The following NOVA1 variants were observed in gnomAD, a reference collection of about 807,000 sequenced individuals.
NOVA1 encodes the protein RNA-binding protein Nova-1.
In NOVA1, 7 loss-of-function variants were observed where a neutral mutation model predicts 38.0. The ratio of observed to expected loss-of-function variants is 0.18; its 90% CI spans 0.10 to 0.35. NOVA1 has a LOEUF of 0.35. NOVA1 is among the 10% of genes least tolerant of loss of function. The pLI is 1.00. For synonymous variants in NOVA1, 270 were observed against 232.5 expected, an observed-to-expected ratio of 1.16 and a Z score of -1.47; for missense variants, 460 against 616.0, an observed-to-expected ratio of 0.75 and a Z score of 2.68.
rs569040486 is a variant in NOVA1, at chr14:26,556,084, T to C, written c.280+39326A>G. Among the ~76,000 whole-genome samples, 203 of 152,258 alleles carry C rather than the reference T, an allele frequency of 1.3e-3. 1 individual carries two copies. The highest frequency in any genetic ancestry group is 4.7e-3 in the African/African-American group (194 of 41,566). On this transcript the variant is annotated intron_variant, in intron 2 of 4. Coordinates refer to ENST00000539517, the MANE Select transcript of NOVA1 (RefSeq NM_002515.3). The stretch of plus-strand genomic sequence containing the variant: ...TGTTAACATGTCAGATCTTCCCTAC[T>C]TGATCTATAGATGCAATGCAATACC...
At chr14:26,501,691 T>C (rs1254980183) in intron 2 of NOVA1, among the ~76,000 whole-genome samples, 2 of 151,938 alleles carry the variant, frequency 1.3e-5, no homozygotes, top group African/African-American at 2.4e-5. Context: ...GTTTTGAAAG[T>C]TCCGCTTTGG....
intron 2 of NOVA1, among the ~76,000 whole-genome samples, chr14:26,520,462 A>G (rs1012089394): frequency 1.3e-5 from 2 of 152,176 alleles, no homozygotes; most frequent in African/African-American, 4.8e-5. Flanking sequence ...CAATTTAGAC[A>G]GCACTTCAGC....
chr14:26,580,165 A>G (rs1419162881), intron 2 of NOVA1, among the ~76,000 whole-genome samples: 4 of 152,044 alleles, frequency 2.6e-5, no homozygotes, highest in African/African-American at 9.7e-5. Context: ...ATGCATTATG[A>G]CTTTCATTTT....
intron 2 of NOVA1, among the ~76,000 whole-genome samples, chr14:26,585,760 T>C (rs950831026): frequency 2.7e-5 from 4 of 149,794 alleles, no homozygotes; most frequent in African/African-American, 9.8e-5. Flanking sequence ...TAATATTGGA[T>C]TTCAGTTTCT....
At chr14:26,481,923 T>G (rs1046576313) in intron 2 of NOVA1, among the ~76,000 whole-genome samples, 4 of 150,730 alleles carry the variant, frequency 2.7e-5, no homozygotes, top group Non-Finnish European at 5.9e-5. Context: ...ATTACATTCT[T>G]GTTTTTGGAG....
rs1872816168 is a variant in NOVA1, at chr14:26,447,249, C to T, written c.*710G>A. ...TGCTTAAAAACAAATGTACAAACCT[C>T]TGAAGAGGTGGGACTCCATGTGAGA... On this transcript the variant is annotated 3_prime_UTR_variant, in exon 5 of 5. Coordinates refer to ENST00000539517, the MANE Select transcript of NOVA1 (RefSeq NM_002515.3). 6.5e-6 allele frequency: 1 copy of T among 152,812 alleles called. No individual in the cohort carries two copies. The highest frequency in any genetic ancestry group is 2.4e-5 in the African/African-American group (1 of 41,558). 9.5% of individuals were successfully genotyped at this position (152,812 alleles called of 1,614,324 possible). A position where few individuals can be genotyped will look rare whatever the true frequency, so the allele number is the denominator to read the frequency against.
chr14:26,596,468 C>G (rs1251600719), intron 1 of NOVA1: 7 of 1,100,056 alleles, frequency 6.4e-6, no homozygotes, highest in Non-Finnish European at 8.6e-6. Context: ...GGAGACACCC[C>G]GGTAAATCCA....
intron 2 of NOVA1, among the ~76,000 whole-genome samples, chr14:26,528,832 CAA>C (rs367798298): frequency 1.5e-4 from 23 of 152,170 alleles, no homozygotes; most frequent in African/African-American, 5.3e-4. Context: ...TAAGGAAAGA[CAA>C]ACTCTTTTGT....
chr14:26,519,831 G>C (rs1327028548), intron 2 of NOVA1, among the ~76,000 whole-genome samples: 1 of 152,026 alleles, frequency 6.6e-6, no homozygotes, highest in Non-Finnish European at 1.5e-5. Flanking sequence ...ACAAGTAGAA[G>C]AAATTTTTTT....
At chr14:26,482,651 A>C (rs1885560703) in intron 2 of NOVA1, among the ~76,000 whole-genome samples, 1 of 152,204 alleles carries the variant, frequency 6.6e-6, no homozygotes, top group Non-Finnish European at 1.5e-5. Flanking sequence ...GTTACATAAA[A>C]GTACATGCCC....
chr14:26,587,221 C>A (rs1054682895), intron 2 of NOVA1, among the ~76,000 whole-genome samples: 1 of 148,358 alleles, frequency 6.7e-6, no homozygotes, highest in African/African-American at 2.5e-5. Context: ...TTCCACAACT[C>A]TATGATTTCT....
chr14:26,448,980 T>TA lies in NOVA1; in HGVS notation c.520-18dup, dbSNP rs571905320. 1,554 of 1,577,434 alleles carry TA rather than the reference T, an allele frequency of 9.9e-4. 1 individual carries two copies. The highest frequency in any genetic ancestry group is 1.3e-3 in the Non-Finnish European group (1,474 of 1,160,310). On this transcript the variant is annotated splice_polypyrimidine_tract_variant and intron_variant, in intron 4 of 4. Coordinates refer to ENST00000539517, the MANE Select transcript of NOVA1 (RefSeq NM_002515.3). This position sits in a 1 kb window ranked among gnomAD's most constrained non-coding sequence, Gnocchi z 5.3. ...AATCTTTACCTGTAATTAAAAAAAA[T>TA]ACGTATAAATAATACTTCTGTTTTG...
In NOVA1 at chr14:26,585,098, C is replaced by T. The variant is rs566473625; in HGVS notation, c.280+10312G>A. 3.3e-5 allele frequency among the ~76,000 whole-genome samples: 5 copies of T among 151,476 alleles called. No homozygotes were observed. The East Asian group carries it at 9.7e-4, about 29-fold the overall frequency. ...ACTAATCACAAGGCATGAAAGAGTG[C>T]TATCTATTAAATCTTAGATGTTTCA... On this transcript the variant is annotated intron_variant, in intron 2 of 4. Coordinates refer to ENST00000539517, the MANE Select transcript of NOVA1 (RefSeq NM_002515.3).
At chr14:26,532,693 A>G (rs748264210) in intron 2 of NOVA1, among the ~76,000 whole-genome samples, 1 of 152,184 alleles carries the variant, frequency 6.6e-6, no homozygotes, top group African/African-American at 2.4e-5. Context: ...AATCACCTTT[A>G]TAAGACATGT....
At chr14:26,544,888 T>C (rs1458649058) in intron 2 of NOVA1, among the ~76,000 whole-genome samples, 4 of 152,054 alleles carry the variant, frequency 2.6e-5, no homozygotes, top group Non-Finnish European at 5.9e-5. Context: ...AATGAGTCTA[T>C]CTCTTCTAAT....
At chr14:26,584,987 A>G (rs865883646) in intron 2 of NOVA1, among the ~76,000 whole-genome samples, 1 of 151,432 alleles carries the variant, frequency 6.6e-6, no homozygotes, top group Non-Finnish European at 1.5e-5. Context: ...GGGGAAACAG[A>G]CAAGAAACAC....
intron 2 of NOVA1, among the ~76,000 whole-genome samples, chr14:26,487,197 G>A (rs949567620): frequency 6.6e-6 from 1 of 152,138 alleles, no homozygotes; most frequent in Non-Finnish European, 1.5e-5. Flanking sequence ...TCAGGGGAAA[G>A]TATATACTTA....
intron 4 of NOVA1, among the ~76,000 whole-genome samples, chr14:26,465,116 T>C (rs895271452): frequency 3.9e-5 from 6 of 152,218 alleles, no homozygotes; most frequent in Non-Finnish European, 7.3e-5. Flanking sequence ...CTGATGAACA[T>C]TATCTTGATA....
At chr14:26,551,110 G>T (rs1481251418) in intron 2 of NOVA1, among the ~76,000 whole-genome samples, 1 of 151,836 alleles carries the variant, frequency 6.6e-6, no homozygotes, top group Non-Finnish European at 1.5e-5. Flanking sequence ...AGGGGAAATG[G>T]GCCATAAGAT....
Sources: allele counts gnomAD v4.1 joint callset (sites outside exome capture counted in the v4.1 genomes callset), GRCh38; gene constraint gnomAD v4.1.1; non-coding constraint Gnocchi (gnomAD v3.1); transcripts MANE v1.5; gene names NCBI Gene and HGNC (gene_info 2026-07-23, HGNC 2026-07-21).